Variants in PTPRD observed in about 807,000 individuals in gnomAD.
PTPRD encodes protein tyrosine phosphatase receptor type D.
Under a neutral mutation model 214.5 loss-of-function variants are expected in PTPRD, and 34 were observed. That is an observed-to-expected ratio of 0.16 (90% CI 0.12 to 0.21). The LOEUF (loss-of-function observed/expected upper bound fraction) is 0.21, where lower values mean the gene tolerates loss of function less well. Among genes scored for constraint, PTPRD ranks in the 10% least tolerant of loss-of-function variants. PTPRD has a pLI of 1.00. For synonymous variants in PTPRD, 1,128 were observed against 845.7 expected (o/e 1.33, Z -5.79); for missense variants, 2,545 against 2,398.7 (o/e 1.06, Z -1.27).
chr9:10,296,567 A>C (rs540075655), intron 3 of PTPRD, among the ~76,000 whole-genome samples: 1 of 152,234 alleles, frequency 6.6e-6, no homozygotes, highest in East Asian at 1.9e-4. Flanking sequence ...CCTTGGCTGC[A>C]GCACCCGATT....
intron 10 of PTPRD, among the ~76,000 whole-genome samples, chr9:9,130,296 A>G (rs1460466403): frequency 2.6e-5 from 4 of 152,146 alleles, no homozygotes; most frequent in African/African-American, 9.7e-5. Flanking sequence ...AAATTTGGGC[A>G]TTTACTTTTC....
intron 11 of PTPRD, among the ~76,000 whole-genome samples, chr9:8,869,548 G>C (rs2154547348): frequency 6.6e-6 from 1 of 152,206 alleles, no homozygotes; most frequent in East Asian, 1.9e-4. Context: ...GCTCCCAGGA[G>C]TCAGAATTGT....
intron 3 of PTPRD, among the ~76,000 whole-genome samples, chr9:10,045,085 G>A (rs2097364964): frequency 6.6e-6 from 1 of 151,606 alleles, no homozygotes. Flanking sequence ...AAGATTCAGA[G>A]GTCAAAATGA....
intron 5 of PTPRD, among the ~76,000 whole-genome samples, chr9:9,839,686 G>T (rs1317974919): frequency 6.6e-6 from 1 of 151,190 alleles, no homozygotes; most frequent in Admixed American, 6.6e-5. Context: ...TTTCTTCACA[G>T]AATTGGAAAA....
rs1822380591 is a variant in PTPRD at position 8,317,051 on chromosome 9, A to ATCTT, written c.*819_*822dup. 4.3e-6 allele frequency: 1 copy of ATCTT among 231,782 alleles called. No individual in the cohort carries two copies. The highest frequency in any genetic ancestry group is 8.6e-6 in the Non-Finnish European group (1 of 116,874). The allele number at this position is 231,782 out of a possible 1,614,324, so 14.4% of individuals were successfully genotyped here. A position where few individuals can be genotyped will look rare whatever the true frequency, so the allele number is the denominator to read the frequency against. ...CCAAAAACAAAACAAAATAATAATT[A>ATCTT]TCTTTGATTATTTGAAGAGAATGGG... On this transcript the variant is annotated 3_prime_UTR_variant, in exon 46 of 46. Transcript: ENST00000381196.
At chr9:9,712,405 A>T (rs1354090857) in intron 7 of PTPRD, among the ~76,000 whole-genome samples, 1 of 151,952 alleles carries the variant, frequency 6.6e-6, no homozygotes, top group Non-Finnish European at 1.5e-5. Flanking sequence ...ATTAAAAAAA[A>T]TTATTTTACT....
intron 11 of PTPRD, among the ~76,000 whole-genome samples, chr9:8,972,505 G>A (rs2099244529): frequency 6.6e-6 from 1 of 151,774 alleles, no homozygotes; most frequent in Admixed American, 6.6e-5. Flanking sequence ...AGAAGAAAGG[G>A]AAGAGGAGAG....
rs932214965 is a variant in PTPRD at position 10,312,144 on chromosome 9, T to C, written c.-545+28819A>G. On this transcript the variant is annotated intron_variant, in intron 3 of 45. Coordinates refer to ENST00000381196, the MANE Select transcript of PTPRD (RefSeq NM_002839.4). Reference sequence around the variant, plus strand: ...TCAGTAGTCAGACATGATTTGGTACTGTCATTTGATGAGAGAATCTTTGAA... The same window carrying C: ...TCAGTAGTCAGACATGATTTGGTACCGTCATTTGATGAGAGAATCTTTGAA... Among the ~76,000 whole-genome samples the C allele has an allele frequency of 7.9e-5, 12 of 152,028 alleles. 1 individual carries two copies. Among genetic ancestry groups the C allele is most frequent in the Non-Finnish European group, 1.6e-4 (11 of 67,952 alleles).
chr9:9,237,231 A>C (rs1341773574), intron 9 of PTPRD, among the ~76,000 whole-genome samples: 1 of 152,180 alleles, frequency 6.6e-6, no homozygotes, highest in African/African-American at 2.4e-5. Flanking sequence ...GAGCCCCTCA[A>C]TAGCATTCAG....
At chr9:9,127,049 A>C (rs2099835065) in intron 10 of PTPRD, among the ~76,000 whole-genome samples, 1 of 151,818 alleles carries the variant, frequency 6.6e-6, no homozygotes, top group Non-Finnish European at 1.5e-5. Context: ...ACACATGCAC[A>C]AGGAACAAAC....
At chr9:9,080,354 G>A (rs1266235485) in intron 10 of PTPRD, among the ~76,000 whole-genome samples, 1 of 151,984 alleles carries the variant, frequency 6.6e-6, no homozygotes, top group Non-Finnish European at 1.5e-5. Flanking sequence ...TAAAACGGTT[G>A]TGCTCAAAAA....
intron 2 of PTPRD, among the ~76,000 whole-genome samples, chr9:10,524,211 T>G (rs2134328263): frequency 6.6e-6 from 1 of 152,138 alleles, no homozygotes; most frequent in East Asian, 1.9e-4. Context: ...TTAGGAGCCG[T>G]TCAATCCTTA....
At chr9:8,487,641 T>C (rs1172508726) in intron 27 of PTPRD, among the ~76,000 whole-genome samples, 2 of 151,976 alleles carry the variant, frequency 1.3e-5, no homozygotes, top group East Asian at 3.9e-4. Flanking sequence ...AGAAACCCTG[T>C]CTCTACAAAA....
intron 11 of PTPRD, among the ~76,000 whole-genome samples, chr9:8,907,423 C>T (rs1483012444): frequency 6.7e-6 from 1 of 148,316 alleles, no homozygotes; most frequent in East Asian, 2.0e-4. Context: ...GAGGCTGAGG[C>T]AGGAGAATGA....
At chr9:10,074,461 T>G (rs1414919079) in intron 3 of PTPRD, among the ~76,000 whole-genome samples, 1 of 152,120 alleles carries the variant, frequency 6.6e-6, no homozygotes, top group Non-Finnish European at 1.5e-5. Context: ...CTCTGGAACT[T>G]CTAAAGCTGA....
chr9:9,387,579 G>T (rs116349175), intron 9 of PTPRD, among the ~76,000 whole-genome samples: 5,040 of 152,126 alleles, frequency 0.033, 296 homozygotes, highest in African/African-American at 0.11. Context: ...ATACTTTCTA[G>T]AAATATCACA....
chr9:8,852,284 T>C (rs1292789430), intron 11 of PTPRD, among the ~76,000 whole-genome samples: 1 of 152,194 alleles, frequency 6.6e-6, no homozygotes, highest in Non-Finnish European at 1.5e-5. Context: ...AATTGAGAAT[T>C]TATAAATTTA....
intron 11 of PTPRD, among the ~76,000 whole-genome samples, chr9:8,812,349 T>G (rs2096826301): frequency 6.6e-6 from 1 of 152,206 alleles, no homozygotes; most frequent in Non-Finnish European, 1.5e-5. Flanking sequence ...GAAAATAATG[T>G]CAGTCATTCT....
intron 11 of PTPRD, among the ~76,000 whole-genome samples, chr9:8,814,783 G>C (rs1413469028): frequency 1.3e-5 from 2 of 152,190 alleles, no homozygotes; most frequent in South Asian, 2.1e-4. Flanking sequence ...TATACAACTA[G>C]TATGAGATAG....
Sources: gnomAD v4.1 joint callset for allele counts (sites outside exome capture counted in the v4.1 genomes callset) on GRCh38, gnomAD v4.1.1 for gene constraint, MANE v1.5 for transcripts, NCBI Gene and HGNC (gene_info 2026-07-23, HGNC 2026-07-21) for gene names.